R3HDM2: variants seen among roughly 807,000 people sequenced by gnomAD.
The protein encoded by R3HDM2 is R3H domain containing 2.
Under a neutral mutation model 124.5 loss-of-function variants are expected in R3HDM2, and 38 were observed. That is an observed-to-expected ratio of 0.31 (90% CI 0.24 to 0.40). The LOEUF is 0.40. Among genes scored for constraint, R3HDM2 ranks in the 10% least tolerant of loss-of-function variants. R3HDM2 has a pLI of 1.00. For missense variants in R3HDM2, 869 were observed against 1,236.9 expected (o/e 0.70, Z 4.46); for synonymous variants, 391 against 448.0 (o/e 0.87, Z 1.61).
chr12:57,386,353 C>T (rs1302095321), intron 2 of R3HDM2, among the ~76,000 whole-genome samples: 1 of 152,234 alleles, frequency 6.6e-6, no homozygotes, highest in South Asian at 2.1e-4. Flanking sequence ...ATGGCGCTTG[C>T]GGGCCAGCAC....
In R3HDM2 at chr12:57,284,051, T is replaced by A. The variant is rs1264278054; in HGVS notation, c.944A>T (p.Asn315Ile). The stretch of plus-strand genomic sequence containing the variant: ...TGAGGTGCGGCTCAGTCCTTCACGG[T>A]TCCCCCTGCAGAGACCATAGTGGTC... ...QNGYLNDIRG[N>I]REGLSRTSSS... The change falls in exon 13 of 24, where the codon AAC becomes ATC. Residue 315 changes from asparagine (N) to isoleucine (I), a missense_variant. By Grantham distance (149) the Asn-to-Ile change is moderately radical. Around this residue, in one of 2 missense-constraint regions of R3HDM2, gnomAD observed 267 missense variants for 447.7 expected, o/e 0.60. Transcript: ENST00000402412. 1.9e-6 allele frequency: 3 copies of A among 1,594,990 alleles called. No individual in the cohort carries two copies. The highest frequency in any genetic ancestry group is 1.1e-5 in the South Asian group (1 of 89,504).
At chr12:57,299,629 A>G (rs1023753046) in intron 5 of R3HDM2, among the ~76,000 whole-genome samples, 151 bp from the exon 6 acceptor site, 2 of 152,196 alleles carry the variant, frequency 1.3e-5, no homozygotes, top group Non-Finnish European at 2.9e-5. Context: ...GTTTTCTTCT[A>G]TCAAGAGGGT....
intron 1 of R3HDM2, among the ~76,000 whole-genome samples, chr12:57,399,751 A>G (rs1365957454): frequency 1.3e-5 from 2 of 152,190 alleles, no homozygotes; most frequent in East Asian, 3.8e-4. Context: ...TGCCACTTCT[A>G]ATGGTGTCAT....
At chr12:57,390,287 A>G (rs80128309) in intron 2 of R3HDM2, among the ~76,000 whole-genome samples, 8,404 of 152,208 alleles carry the variant, frequency 0.055, 661 homozygotes, top group African/African-American at 0.18. Context: ...GAAACAAGTG[A>G]GGTGAGTCCT....
intron 22 of R3HDM2, 83 bp from the exon 23 acceptor site, chr12:57,256,157 G>A (rs773075527): frequency 7.1e-7 from 1 of 1,398,662 alleles, no homozygotes; most frequent in Non-Finnish European, 1.0e-6. Context: ...AGAGATTGTG[G>A]AGTAGCACCA....
At position 57,428,119 on chromosome 12, in the gene R3HDM2, C is replaced by CA. The variant is rs879458111; in HGVS notation, c.-106+2600dup. On this transcript the variant is annotated intron_variant, in intron 1 of 23. Transcript: ENST00000402412. ...TGGGTGACAGAGCGAGACTCCATCT[C>CA]AAAAAAAAAAAAGAGTGAAATTTGA... Among the ~76,000 whole-genome samples the CA allele has an allele frequency of 4.4e-3, 585 of 131,836 alleles. 4 individuals carry two copies. The highest frequency in any genetic ancestry group is 0.015 in the African/African-American group (526 of 35,832). The allele number at this position is 131,836 out of a possible 152,430, so 86.5% of individuals were successfully genotyped here.
intron 2 of R3HDM2, among the ~76,000 whole-genome samples, chr12:57,359,585 T>C (rs1284399045): frequency 6.6e-6 from 1 of 152,218 alleles, no homozygotes; most frequent in Non-Finnish European, 1.5e-5. Flanking sequence ...TTGAAATATA[T>C]TTAAAAGTTT....
chr12:57,261,368 T>C (rs2040766568), intron 19 of R3HDM2, among the ~76,000 whole-genome samples: 1 of 152,164 alleles, frequency 6.6e-6, no homozygotes, highest in African/African-American at 2.4e-5. Flanking sequence ...GCTCATAATC[T>C]GAGCCTAATG....
At chr12:57,297,045 C>CT (rs2138579029) in intron 8 of R3HDM2, 2 of 301,562 alleles carry the variant, frequency 6.6e-6, no homozygotes, top group South Asian at 1.0e-4. Flanking sequence ...CAAAGAAAGA[C>CT]TGTCTCAAAA....
intron 2 of R3HDM2, among the ~76,000 whole-genome samples, chr12:57,326,216 ACT>A (rs2136433067): frequency 6.6e-6 from 1 of 152,242 alleles, no homozygotes; most frequent in South Asian, 2.1e-4. Flanking sequence ...CCAATTAATA[ACT>A]CTACAGTGGC....
At chr12:57,378,364 T>C (rs1206959271) in intron 2 of R3HDM2, among the ~76,000 whole-genome samples, 1 of 152,098 alleles carries the variant, frequency 6.6e-6, no homozygotes, top group Non-Finnish European at 1.5e-5. Context: ...GATTCCATCT[T>C]GGTCTGTCTG....
At chr12:57,425,764 C>T (rs1309464818) in intron 1 of R3HDM2, among the ~76,000 whole-genome samples, 3 of 152,150 alleles carry the variant, frequency 2.0e-5, no homozygotes, top group Non-Finnish European at 4.4e-5. Flanking sequence ...GGACACTGCA[C>T]TCCAGCCTGG....
intron 2 of R3HDM2, among the ~76,000 whole-genome samples, chr12:57,348,693 C>CAAAAAAAAAAAAAAAAAA (rs1168127324): frequency 1.2e-4 from 3 of 25,148 alleles, no homozygotes; most frequent in African/African-American, 4.9e-4. Flanking sequence ...GACTCCGTCT[C>CAAAAAAAAAAAAAAAAAA]AAAAAAAAAA....
chr12:57,361,726 T>C (rs1434938094), intron 2 of R3HDM2, among the ~76,000 whole-genome samples: 2 of 152,102 alleles, frequency 1.3e-5, no homozygotes, highest in South Asian at 2.1e-4. Context: ...TAGACTCTAA[T>C]ATGATTCAAG....
chr12:57,271,569 T>C (rs1025336149), intron 14 of R3HDM2, among the ~76,000 whole-genome samples: 1 of 152,168 alleles, frequency 6.6e-6, no homozygotes, highest in African/African-American at 2.4e-5. Flanking sequence ...TGGGCAGGAA[T>C]AGATGACAAG....
intron 2 of R3HDM2, among the ~76,000 whole-genome samples, chr12:57,392,437 G>C (rs1346862256): frequency 6.6e-6 from 1 of 152,132 alleles, no homozygotes; most frequent in East Asian, 1.9e-4. Flanking sequence ...ACTCCTATGA[G>C]AATCTAATGC....
chr12:57,416,685 G>T (rs1448393671), intron 1 of R3HDM2, among the ~76,000 whole-genome samples: 1 of 152,120 alleles, frequency 6.6e-6, no homozygotes, highest in Non-Finnish European at 1.5e-5. Flanking sequence ...GCACATGCCT[G>T]TAGTCCCAGC....
At chr12:57,332,984 T>C (rs929582493) in intron 2 of R3HDM2, among the ~76,000 whole-genome samples, 2 of 152,196 alleles carry the variant, frequency 1.3e-5, no homozygotes, top group African/African-American at 4.8e-5. Flanking sequence ...AGACCCACCA[T>C]AATTTCTCAA....
Position 57,296,981 on chromosome 12 carries a change from G to A in R3HDM2, c.560+347C>T. On this transcript the variant is annotated intron_variant, in intron 8 of 23. Transcript: ENST00000402412. This position sits in a 1 kb window ranked among gnomAD's most constrained non-coding sequence, Gnocchi z 4.5. ...GAGGCACAAGAATCACTTGAACCCA[G>A]GAGGCAGAATTGCAGTGAGTCAAGA... is the stretch of plus-strand genomic sequence containing the variant. 1 of 224,170 alleles carries A rather than the reference G, an allele frequency of 4.5e-6. No homozygotes were observed. The highest frequency in any genetic ancestry group is 8.8e-6 in the Non-Finnish European group (1 of 113,858). 13.9% of individuals were successfully genotyped at this position (224,170 alleles called of 1,614,324 possible).
Sources: allele counts gnomAD v4.1 joint callset (sites outside exome capture counted in the v4.1 genomes callset), GRCh38; gene constraint gnomAD v4.1.1; regional missense constraint gnomAD v4.1.1; non-coding constraint Gnocchi (gnomAD v3.1); transcripts MANE v1.5; gene names NCBI Gene and HGNC (gene_info 2026-07-23, HGNC 2026-07-21).